LSAMP: variants seen among roughly 807,000 people sequenced by gnomAD.
The protein encoded by LSAMP is limbic system associated membrane protein.
A neutral mutation model predicts 38.6 loss-of-function variants in LSAMP; 7 were observed. That is an observed-to-expected ratio of 0.18 (90% CI 0.10 to 0.34). LSAMP has a LOEUF of 0.34. Ranked by LOEUF, LSAMP falls within the 10% of genes least tolerant of loss-of-function variation. The pLI, the probability that LSAMP is intolerant of heterozygous loss-of-function variation, is 1.00. For synonymous variants in LSAMP, 154 were observed against 166.8 expected, an observed-to-expected ratio of 0.92 and a Z score of 0.59; for missense variants, 313 against 420.0, an observed-to-expected ratio of 0.75 and a Z score of 2.23.
At chr3:115,832,623 T>C (rs1295709181) in intron 6 of LSAMP, among the ~76,000 whole-genome samples, 1 of 152,172 alleles carries the variant, frequency 6.6e-6, no homozygotes, top group African/African-American at 2.4e-5. Flanking sequence ...GAAGTTAAAG[T>C]CCTTGTAAAG....
chr3:116,121,080 G>A (rs1708864796), intron 1 of LSAMP, among the ~76,000 whole-genome samples: 1 of 152,194 alleles, frequency 6.6e-6, no homozygotes, highest in Admixed American at 6.5e-5. Context: ...AACATCTTCA[G>A]TTTTTTCATC....
chr3:116,064,614 C>T (rs978584118), intron 2 of LSAMP, among the ~76,000 whole-genome samples: 2 of 150,734 alleles, frequency 1.3e-5, no homozygotes, highest in Admixed American at 6.6e-5. Context: ...AAAGTATTAA[C>T]AGATACAATT....
intron 3 of LSAMP, among the ~76,000 whole-genome samples, chr3:115,871,770 T>G (rs1936046420): frequency 6.6e-6 from 1 of 152,072 alleles, no homozygotes; most frequent in Non-Finnish European, 1.5e-5. Context: ...TAGGAAGAAC[T>G]AAACCTCCAT....
chr3:116,409,661 A>G (rs2048945484), intron 1 of LSAMP, among the ~76,000 whole-genome samples: 1 of 152,090 alleles, frequency 6.6e-6, no homozygotes, highest in Non-Finnish European at 1.5e-5. Context: ...TAACGTATAA[A>G]TACAAGGAGA....
chr3:115,818,315 C>T (rs762325119), intron 6 of LSAMP, among the ~76,000 whole-genome samples: 6 of 152,090 alleles, frequency 3.9e-5, no homozygotes, highest in Non-Finnish European at 2.9e-5. Flanking sequence ...GGCCACAGAG[C>T]GATGCTCTTT....
In LSAMP at chr3:115,852,485, T is replaced by G. The variant is rs772315507; in HGVS notation, c.647A>C (p.Asn216Thr). The change falls in exon 4 of 7, where the codon AAC (asparagine) becomes ACC (threonine). Residue 216 changes from asparagine to threonine, a missense_variant and splice_region_variant. Physicochemically the swap from Asn to Thr is moderately conservative, Grantham distance 65 (BLOSUM62 0). Coordinates refer to ENST00000490035, the MANE Select transcript of LSAMP (RefSeq NM_002338.5). The part of the protein sequence containing the change: ...ADVKQVKVTV[N>T]YPPTITESKS... Reference sequence around the variant, plus strand: ...CTGCTGGCTCCTGCCGTACTCACAGTTCACAGTGACCTTGACTTGTTTGAC... The same window carrying G: ...CTGCTGGCTCCTGCCGTACTCACAGGTCACAGTGACCTTGACTTGTTTGAC... The G allele has an allele frequency of 6.2e-7, 1 of 1,611,340 alleles. No individual in the cohort carries two copies. Among genetic ancestry groups the G allele is most frequent in the Non-Finnish European group, 8.5e-7 (1 of 1,178,866 alleles).
chr3:116,226,002 A>C (rs1254588031), intron 1 of LSAMP, among the ~76,000 whole-genome samples: 1 of 152,156 alleles, frequency 6.6e-6, no homozygotes, highest in African/African-American at 2.4e-5. Context: ...TCTGCTTTTC[A>C]AAATCAAATT....
intron 3 of LSAMP, among the ~76,000 whole-genome samples, chr3:115,876,663 C>T (rs1340442429): frequency 2.6e-5 from 4 of 152,074 alleles, no homozygotes; most frequent in Non-Finnish European, 5.9e-5. Flanking sequence ...ATCTCCTCAT[C>T]CAGCGCTTTC....
intron 1 of LSAMP, among the ~76,000 whole-genome samples, chr3:116,317,276 T>C (rs2047641934): frequency 6.6e-6 from 1 of 152,078 alleles, no homozygotes; most frequent in South Asian, 2.1e-4. Context: ...GCTGCTCAAT[T>C]CTTGAAGTCA....
At position 115,911,675 on chromosome 3, in the gene LSAMP, C is replaced by T. The variant is rs188448859; in HGVS notation, c.515-59058G>A. On this transcript the variant is annotated intron_variant, in intron 3 of 6. Coordinates refer to ENST00000490035, the MANE Select transcript of LSAMP (RefSeq NM_002338.5). ...TGGGTTTTTGTGTGACCATAACTCT[C>T]TCATTTATTTGAGACAAATGTCAAT... Among the ~76,000 whole-genome samples the T allele has an allele frequency of 3.3e-5, 5 of 152,302 alleles. No homozygotes were observed. The East Asian group carries it at 9.6e-4, about 29-fold the overall frequency.
chr3:116,220,289 G>GA (rs1367614466), intron 1 of LSAMP, among the ~76,000 whole-genome samples: 1 of 147,098 alleles, frequency 6.8e-6, no homozygotes, highest in East Asian at 2.0e-4. Flanking sequence ...AGGATGTGGA[G>GA]AAACTATAAC....
At chr3:116,207,099 G>A (rs1014588241) in intron 1 of LSAMP, among the ~76,000 whole-genome samples, 2 of 152,036 alleles carry the variant, frequency 1.3e-5, no homozygotes, top group African/African-American at 4.8e-5. Flanking sequence ...TGTATTGGGT[G>A]CATATATATT....
intron 1 of LSAMP, among the ~76,000 whole-genome samples, chr3:116,300,084 G>A (rs2047386711): frequency 6.6e-6 from 1 of 152,146 alleles, no homozygotes; most frequent in Non-Finnish European, 1.5e-5. Flanking sequence ...CAGACATTAA[G>A]GCAGCAGAGA....
chr3:116,287,152 T>C (rs985947591), intron 1 of LSAMP, among the ~76,000 whole-genome samples: 1 of 152,164 alleles, frequency 6.6e-6, no homozygotes, highest in Non-Finnish European at 1.5e-5. Context: ...GATGTGTGTG[T>C]GTGTATCTCT....
At chr3:115,915,269 T>C (rs1276940784) in intron 3 of LSAMP, among the ~76,000 whole-genome samples, 2 of 152,354 alleles carry the variant, frequency 1.3e-5, no homozygotes, top group East Asian at 3.9e-4. Flanking sequence ...AGCTCACTTA[T>C]ATTGGGCAAT....
At chr3:116,209,066 G>A (rs550709485) in intron 1 of LSAMP, among the ~76,000 whole-genome samples, 1 of 152,220 alleles carries the variant, frequency 6.6e-6, no homozygotes, top group Non-Finnish European at 1.5e-5. Flanking sequence ...CTTGGGGGTA[G>A]GACCCTCTGA....
rs1015380630 is a variant in LSAMP, at chr3:116,206,824, G to C, written c.156-120268C>G. 3.0e-4 allele frequency among the ~76,000 whole-genome samples: 45 copies of C among 151,272 alleles called. No individual in the cohort carries two copies. In the East Asian group the frequency reaches 6.7e-3, roughly 22 times the overall value. On this transcript the variant is annotated intron_variant, in intron 1 of 6. Transcript: ENST00000490035. ...TTGCTGAGGAGAGCTTTACTTCCAAGTATGTGGTCAATTTTGGAATAGGTG... is the reference window on the plus strand; with the variant it reads ...TTGCTGAGGAGAGCTTTACTTCCAACTATGTGGTCAATTTTGGAATAGGTG...
intron 1 of LSAMP, among the ~76,000 whole-genome samples, chr3:116,154,294 C>T (rs906490939): frequency 6.6e-6 from 1 of 152,092 alleles, no homozygotes; most frequent in African/African-American, 2.4e-5. Context: ...CTACTTGGTA[C>T]ACTATGTACC....
chr3:116,089,789 G>A (rs1708077672), intron 1 of LSAMP, among the ~76,000 whole-genome samples: 1 of 150,772 alleles, frequency 6.6e-6, no homozygotes. Context: ...TATCTCAATG[G>A]AAAAAAAATA....
Sources: gnomAD v4.1 joint callset for allele counts (sites outside exome capture counted in the v4.1 genomes callset) on GRCh38, gnomAD v4.1.1 for gene constraint, MANE v1.5 for transcripts, NCBI Gene and HGNC (gene_info 2026-07-23, HGNC 2026-07-21) for gene names.